The following ILDR1 variants were observed in gnomAD, a reference collection of about 807,000 sequenced individuals.
ILDR1 encodes immunoglobulin like domain containing receptor 1, also known as immunoglobulin-like domain-containing receptor 1.
A neutral mutation model predicts 62.4 loss-of-function variants in ILDR1; 56 were observed. The ratio of observed to expected loss-of-function variants is 0.90; its 90% CI spans 0.72 to 1.12. The LOEUF is 1.12. ILDR1 is among the 50% of genes most tolerant of loss of function. The pLI is 0.00. For missense variants in ILDR1, 736 were observed against 710.6 expected, an observed-to-expected ratio of 1.04 and a Z score of -0.41; for synonymous variants, 284 against 277.8, an observed-to-expected ratio of 1.02 and a Z score of -0.22.
At chr3:121,994,885 A>G (rs2071413711) in intron 5 of ILDR1, among the ~76,000 whole-genome samples, 2 of 152,230 alleles carry the variant, frequency 1.3e-5, no homozygotes, top group Non-Finnish European at 2.9e-5. Context: ...GGAAGAAGGC[A>G]AGGGCGTGCA....
chr3:122,029,509 AAAATATATAT>A, the ILDR1 span, among the ~76,000 whole-genome samples: 38 of 113,506 alleles, frequency 3.3e-4, no homozygotes, highest in African/African-American at 1.4e-3. Flanking sequence ...CCGTCTAAAA[AAAATATATAT>A]ATATATATAT....
At chr3:122,009,966 T>G (rs1416087470) in intron 1 of ILDR1, among the ~76,000 whole-genome samples, 1 of 152,192 alleles carries the variant, frequency 6.6e-6, no homozygotes, top group African/African-American at 2.4e-5. Context: ...CCATGGCAGA[T>G]GTGCTGGATA....
At position 122,007,139 on chromosome 3, in the gene ILDR1, C is replaced by A; in HGVS notation, c.81G>T (p.Thr27=). The change falls in exon 2 of 8, where the codon ACG becomes ACT. Residue 27 remains threonine (T), a synonymous_variant. Coordinates refer to ENST00000344209, the MANE Select transcript of ILDR1 (RefSeq NM_001199799.2). ...TGACATAGCGTTCTGTGTGCTGGACCGTCACAAGCAAGGACAGGCACCCTA... is the reference window on the plus strand; with the variant it reads ...TGACATAGCGTTCTGTGTGCTGGACAGTCACAAGCAAGGACAGGCACCCTA... ...LPAGCLSLLV[T]VQHTERYVTL... 1.9e-6 allele frequency: 3 copies of A among 1,614,082 alleles called. No individual in the cohort carries two copies. Among genetic ancestry groups the A allele is most frequent in the Non-Finnish European group, 2.5e-6 (3 of 1,180,014 alleles).
intron 1 of ILDR1, among the ~76,000 whole-genome samples, chr3:122,012,532 T>TTGGG: frequency 4.6e-5 from 7 of 152,280 alleles, no homozygotes; most frequent in African/African-American, 1.7e-4. Context: ...TAGTCAACAT[T>TTGGG]AGTTGCTGGG....
the ILDR1 span, among the ~76,000 whole-genome samples, chr3:122,031,934 A>C: frequency 6.6e-6 from 1 of 152,222 alleles, no homozygotes; most frequent in Non-Finnish European, 1.5e-5. Flanking sequence ...TTGCTGGATG[A>C]GTACTGTTTA....
chr3:122,051,270 A>G, the ILDR1 span, among the ~76,000 whole-genome samples: 172 of 152,174 alleles, frequency 1.1e-3, no homozygotes, highest in African/African-American at 4.0e-3. Flanking sequence ...GGTACATTTG[A>G]TGGTGTCCAA....
chr3:122,052,321 C>T, the ILDR1 span, among the ~76,000 whole-genome samples: 1 of 152,182 alleles, frequency 6.6e-6, no homozygotes, highest in Non-Finnish European at 1.5e-5. Context: ...CTCCCCATTT[C>T]CCCAAAAAGC....
chr3:122,036,892 C>T, the ILDR1 span, among the ~76,000 whole-genome samples: 768 of 152,344 alleles, frequency 5.0e-3, 7 homozygotes, highest in African/African-American at 0.017. Flanking sequence ...TGGCACCCTG[C>T]ATCCCAGCTG....
At chr3:122,018,500 A>T (rs945142821) in intron 1 of ILDR1, among the ~76,000 whole-genome samples, 5 of 152,146 alleles carry the variant, frequency 3.3e-5, no homozygotes, top group Non-Finnish European at 7.3e-5. Context: ...ATGTAACAAA[A>T]GTGCACGTTC....
chr3:122,049,395 G>T, the ILDR1 span, among the ~76,000 whole-genome samples: 28 of 152,232 alleles, frequency 1.8e-4, no homozygotes, highest in Admixed American at 1.1e-3. Context: ...GGTCCATTTG[G>T]TCTATAGTGT....
chr3:122,043,385 A>T, the ILDR1 span, among the ~76,000 whole-genome samples: 116 of 138,846 alleles, frequency 8.4e-4, 2 homozygotes, highest in African/African-American at 2.8e-3. Flanking sequence ...CTTAGGATTG[A>T]CTTGGCGATG....
rs2071566656 is a variant in ILDR1, at chr3:122,003,953, CT to C, written c.379+1290del. 2.0e-5 allele frequency among the ~76,000 whole-genome samples: 3 copies of C among 152,046 alleles called. No individual in the cohort carries two copies. The East Asian group carries it at 5.8e-4, about 29-fold the overall frequency. On this transcript the variant is annotated intron_variant, in intron 3 of 7. Coordinates refer to ENST00000344209, the MANE Select transcript of ILDR1 (RefSeq NM_001199799.2). ...CCACCTTGGATCTTTGAAGATGCCC[CT>C]GAAGACTAGAAAAGAAGGACAGATG...
upstream of ILDR1, among the ~76,000 whole-genome samples, chr3:122,023,281 A>G (rs546278585): frequency 2.4e-3 from 358 of 152,132 alleles, 1 homozygote; most frequent in Non-Finnish European, 4.3e-3. Flanking sequence ...TTGCCAGATC[A>G]AGGTTTTGAC....
chr3:122,017,788 A>G (rs1019839667), intron 1 of ILDR1, among the ~76,000 whole-genome samples: 3 of 152,260 alleles, frequency 2.0e-5, no homozygotes, highest in Non-Finnish European at 4.4e-5. Context: ...AGACATATGA[A>G]AAAATACTCA....
chr3:122,010,014 G>T (rs1273328039), intron 1 of ILDR1, among the ~76,000 whole-genome samples: 2 of 152,248 alleles, frequency 1.3e-5, no homozygotes, highest in Non-Finnish European at 2.9e-5. Flanking sequence ...CTGTGGGCAG[G>T]AAGACTTCAT....
chr3:122,002,642 G>A (rs982158957), intron 3 of ILDR1, among the ~76,000 whole-genome samples: 6 of 151,888 alleles, frequency 4.0e-5, no homozygotes, highest in Non-Finnish European at 8.8e-5. Flanking sequence ...TTTAAGGTCA[G>A]GGGTATATGT....
rs762677685 is a variant in ILDR1, at chr3:122,001,901, G to C, written c.380-37C>G. The C allele has an allele frequency of 1.9e-6, 3 of 1,611,230 alleles. No individual in the cohort carries two copies. The South Asian group carries it at 3.3e-5, about 18-fold the overall frequency. On this transcript the variant is annotated intron_variant, in intron 3 of 7. Coordinates refer to ENST00000344209, the MANE Select transcript of ILDR1 (RefSeq NM_001199799.2). ...GGAGGGAGAAAGTGCCAGTGTCAGA[G>C]GAGAGAGCACTGGTTTCTAACCCAT...
intron 7 of ILDR1, among the ~76,000 whole-genome samples, chr3:121,991,351 G>A (rs2071343183): frequency 6.6e-6 from 1 of 152,212 alleles, no homozygotes; most frequent in African/African-American, 2.4e-5. Flanking sequence ...CTTAGAAGAA[G>A]ATAGCATGTA....
intron 7 of ILDR1, among the ~76,000 whole-genome samples, chr3:121,990,151 A>G (rs1269982088): frequency 1.3e-5 from 2 of 152,320 alleles, no homozygotes; most frequent in East Asian, 3.9e-4. Context: ...TCCAGAGGCT[A>G]GGAAGGCAGC....
Sources: gnomAD v4.1 joint callset for allele counts (sites outside exome capture counted in the v4.1 genomes callset) on GRCh38, gnomAD v4.1.1 for gene constraint, MANE v1.5 for transcripts, NCBI Gene and HGNC (gene_info 2026-07-23, HGNC 2026-07-21) for gene names.